Variants in COG7 observed in about 807,000 individuals in gnomAD.
COG7 encodes the protein component of oligomeric golgi complex 7.
In COG7, 49 loss-of-function variants were observed where a neutral mutation model predicts 91.5. The ratio of observed to expected loss-of-function variants is 0.54; its 90% CI spans 0.43 to 0.68. The LOEUF (loss-of-function observed/expected upper bound fraction) is 0.68. Among genes scored for constraint, COG7 ranks in the 30% least tolerant of loss-of-function variants. The pLI is 0.00. For missense variants in COG7, 895 were observed against 961.3 expected (o/e 0.93, Z 0.91); for synonymous variants, 365 against 388.7 (o/e 0.94, Z 0.72).
chr16:23,441,171 C>T (rs1396250471), intron 4 of COG7, among the ~76,000 whole-genome samples: 1 of 152,110 alleles, frequency 6.6e-6, no homozygotes, highest in Non-Finnish European at 1.5e-5. Flanking sequence ...ATTTTCAAAA[C>T]TGAAAAAGAA....
chr16:23,390,692 C>T (rs1265008837), intron 16 of COG7, among the ~76,000 whole-genome samples: 1 of 152,220 alleles, frequency 6.6e-6, no homozygotes, highest in Non-Finnish European at 1.5e-5. Context: ...CCTCCTGCCT[C>T]GGCCTCCCAA....
At chr16:23,451,762 G>A (rs1964270231) in intron 1 of COG7, among the ~76,000 whole-genome samples, 1 of 149,602 alleles carries the variant, frequency 6.7e-6, no homozygotes, top group Non-Finnish European at 1.5e-5. Context: ...AGTCTCCACT[G>A]AGACCAGCCT....
intron 6 of COG7, among the ~76,000 whole-genome samples, chr16:23,428,722 C>T (rs1963887988): frequency 1.4e-5 from 2 of 147,232 alleles, no homozygotes; most frequent in Non-Finnish European, 3.0e-5. Context: ...GATGGAGTCT[C>T]ACTCTGTTGC....
Position 23,421,234 on chromosome 16 carries a change from T to C in COG7, c.1010-2407A>G, listed in dbSNP as rs369672004. Among the ~76,000 whole-genome samples, 68 of 151,786 alleles carry C rather than the reference T, an allele frequency of 4.5e-4. 1 individual carries two copies. In the South Asian group the frequency reaches 0.013, roughly 29 times the overall value. On this transcript the variant is annotated intron_variant, in intron 7 of 16. Transcript: ENST00000307149. ...AACTATTAAAATAATAGAAAAAATG[T>C]TAAGGGTAAAATTAAAAGTTAGGCA...
chr16:23,441,359 G>T (rs1172581411), intron 4 of COG7, among the ~76,000 whole-genome samples: 1 of 152,202 alleles, frequency 6.6e-6, no homozygotes, highest in African/African-American at 2.4e-5. Context: ...CAGATCACTT[G>T]AGATCAGGAG....
At chr16:23,426,934 C>T (rs573206730) in intron 6 of COG7, among the ~76,000 whole-genome samples, 1 of 152,026 alleles carries the variant, frequency 6.6e-6, no homozygotes, top group South Asian at 2.1e-4. Context: ...AAATCTTAAT[C>T]CACAAAATAC....
intron 4 of COG7, 52 bp downstream of exon 4, chr16:23,442,425 C>T (rs1964116115): frequency 2.0e-6 from 3 of 1,528,258 alleles, no homozygotes; most frequent in Non-Finnish European, 2.7e-6. Context: ...ACTTACAAGG[C>T]CTTATCTTTA....
intron 1 of COG7, among the ~76,000 whole-genome samples, chr16:23,450,566 G>A (rs373454712): frequency 2.6e-5 from 4 of 152,234 alleles, no homozygotes; most frequent in Admixed American, 6.5e-5. Flanking sequence ...GGTGGCTCAC[G>A]CCTGTAATCC....
chr16:23,417,259 G>T, intron 8 of COG7, 138 bp from the exon 9 acceptor site: 3 of 869,178 alleles, frequency 3.5e-6, no homozygotes, highest in Non-Finnish European at 3.7e-6. Flanking sequence ...ACGTTTGAAT[G>T]CTTCTCTAGA....
In COG7 at chr16:23,450,250, T is replaced by C. The variant is rs116274711; in HGVS notation, c.169+2576A>G. 2.9e-3 allele frequency among the ~76,000 whole-genome samples: 435 copies of C among 152,238 alleles called. 2 individuals are homozygous for C. Among genetic ancestry groups the C allele is most frequent in the African/African-American group, 0.01 (419 of 41,542 alleles). ...TGCGCCCAGCCAATTTGCTATTATA[T>C]TATTATTAATGTCCTTTCCTCTTTG... is the stretch of plus-strand genomic sequence containing the variant. On this transcript the variant is annotated intron_variant, in intron 1 of 16. Transcript: ENST00000307149.
At chr16:23,433,043 G>A (rs1963957625) in intron 6 of COG7, among the ~76,000 whole-genome samples, 1 of 152,162 alleles carries the variant, frequency 6.6e-6, no homozygotes, top group Admixed American at 6.6e-5. Flanking sequence ...AGATTTCACT[G>A]ACGTGGATTT....
intron 11 of COG7, among the ~76,000 whole-genome samples, chr16:23,409,973 C>A (rs1001245205): frequency 1.4e-4 from 21 of 152,326 alleles, no homozygotes; most frequent in African/African-American, 4.8e-4. Flanking sequence ...GTCCCAACAA[C>A]TAATTTATAA....
chr16:23,399,811 A>C (rs1315348411), intron 13 of COG7, among the ~76,000 whole-genome samples: 2 of 152,108 alleles, frequency 1.3e-5, no homozygotes, highest in Non-Finnish European at 2.9e-5. Flanking sequence ...AAGAGAGAGG[A>C]AACTTACCAT....
intron 14 of COG7, among the ~76,000 whole-genome samples, chr16:23,396,236 C>T (rs1202597389): frequency 3.3e-5 from 5 of 152,148 alleles, no homozygotes; most frequent in East Asian, 1.9e-4. Context: ...GGGAAGGGCC[C>T]GGGCCTGGAA....
intron 4 of COG7, among the ~76,000 whole-genome samples, chr16:23,436,161 G>T (rs961725535): frequency 1.3e-5 from 2 of 152,208 alleles, no homozygotes; most frequent in Admixed American, 1.3e-4. Flanking sequence ...GGACAAGGCT[G>T]CAGTGAACTG....
Position 23,452,965 on chromosome 16 carries a change from G to A in COG7, c.30C>T (p.Asp10=). ...CATTGATCCACTCCTTCACGTCGAA[G>A]TCGTCTGCCAGGAACTTGGAGAAGT... The part of the protein sequence containing the change: MDFSKFLAD[D]FDVKEWINAA... Residue 10 remains aspartate (D), a synonymous_variant, in exon 1 of 17, where the codon GAC becomes GAT. Transcript: ENST00000307149. 1 of 1,614,090 alleles carries A rather than the reference G, an allele frequency of 6.2e-7. No individual in the cohort carries two copies. The highest frequency in any genetic ancestry group is 8.5e-7 in the Non-Finnish European group (1 of 1,179,948).
At chr16:23,433,463 G>T in intron 6 of COG7, 82 bp downstream of exon 6, 1 of 1,553,760 alleles carries the variant, frequency 6.4e-7, no homozygotes, top group Non-Finnish European at 8.9e-7. Flanking sequence ...CTCTGCAGTT[G>T]AGGGTGGCCA....
intron 13 of COG7, among the ~76,000 whole-genome samples, chr16:23,398,400 T>C (rs1418986570): frequency 6.6e-6 from 1 of 152,208 alleles, no homozygotes; most frequent in African/African-American, 2.4e-5. Flanking sequence ...AACTGTGGGG[T>C]GGGAACTGAT....
At chr16:23,405,290 A>G (rs1963441094) in intron 12 of COG7, among the ~76,000 whole-genome samples, 1 of 152,096 alleles carries the variant, frequency 6.6e-6, no homozygotes, top group Non-Finnish European at 1.5e-5. Context: ...TCTCCCTTGG[A>G]AAAGAGTAAT....
Sources: allele counts gnomAD v4.1 joint callset (sites outside exome capture counted in the v4.1 genomes callset), GRCh38; gene constraint gnomAD v4.1.1; transcripts MANE v1.5; gene names NCBI Gene and HGNC (gene_info 2026-07-23, HGNC 2026-07-21).